MGMT: variants seen among roughly 807,000 people sequenced by gnomAD.
MGMT encodes O-6-methylguanine-DNA methyltransferase, also known as methylated-DNA--protein-cysteine methyltransferase.
A neutral mutation model predicts 15.9 loss-of-function variants in MGMT; 14 were observed. The observed-to-expected ratio is 0.88, with a 90% confidence interval of 0.58 to 1.37. MGMT has a LOEUF of 1.37. MGMT is among the 40% of genes most tolerant of loss of function. The probability of loss-of-function intolerance (pLI) is 0.00; values close to 1 mark genes in which losing one functional copy is unlikely to be tolerated. For synonymous variants in MGMT, 130 were observed against 118.2 expected (o/e 1.10, Z -0.65); for missense variants, 282 against 268.1 (o/e 1.05, Z -0.36).
chr10:129,703,653 T>C (rs982149189), intron 2 of MGMT, among the ~76,000 whole-genome samples: 1 of 151,854 alleles, frequency 6.6e-6, no homozygotes, highest in South Asian at 2.1e-4. Context: ...CGGCAGCCCC[T>C]GTGCTCCACT....
In MGMT at chr10:129,591,274, G is replaced by T. The variant is rs569370709; in HGVS notation, c.125+54897G>T. Among the ~76,000 whole-genome samples, 215 of 152,358 alleles carry T rather than the reference G, an allele frequency of 1.4e-3. 2 individuals carry two copies. The highest frequency in any genetic ancestry group is 5.0e-3 in the African/African-American group (207 of 41,590). ...CTGCCTTGTGGAATCTGTGCAAGCA[G>T]TTCTTTCCAGGCTGACCTTGAATAG... On this transcript the variant is annotated intron_variant, in intron 2 of 4. Coordinates refer to ENST00000651593, the MANE Select transcript of MGMT (RefSeq NM_002412.5).
At chr10:129,634,103 A>G (rs977512304) in intron 2 of MGMT, among the ~76,000 whole-genome samples, 5 of 152,068 alleles carry the variant, frequency 3.3e-5, no homozygotes, top group African/African-American at 9.7e-5. Flanking sequence ...GTTGAAAGGT[A>G]TTTTCACTGG....
At chr10:129,559,512 T>A (rs981324720) in intron 2 of MGMT, among the ~76,000 whole-genome samples, 51 of 152,264 alleles carry the variant, frequency 3.3e-4, no homozygotes, top group African/African-American at 1.2e-3. Flanking sequence ...CCATTTTTTT[T>A]AATGTTTTAG....
chr10:129,579,834 A>G (rs754428372), intron 2 of MGMT, among the ~76,000 whole-genome samples: 1 of 152,108 alleles, frequency 6.6e-6, no homozygotes, highest in Non-Finnish European at 1.5e-5. Context: ...GTTGACCTAT[A>G]TGTTTTTGTT....
intron 1 of MGMT, among the ~76,000 whole-genome samples, chr10:129,529,154 G>A (rs1221063735): frequency 6.6e-6 from 1 of 151,942 alleles, no homozygotes; most frequent in East Asian, 1.9e-4. Context: ...GAGCGAGGCT[G>A]GAGTGTGAGG....
At chr10:129,750,681 C>T (rs1848742353) in intron 3 of MGMT, among the ~76,000 whole-genome samples, 1 of 151,996 alleles carries the variant, frequency 6.6e-6, no homozygotes, top group South Asian at 2.1e-4. Flanking sequence ...AATACTATGC[C>T]ATTTTATATC....
At chr10:129,479,337 A>T (rs2119631706) in intron 1 of MGMT, among the ~76,000 whole-genome samples, 3 of 152,100 alleles carry the variant, frequency 2.0e-5, no homozygotes, top group East Asian at 3.9e-4. Flanking sequence ...TATATTGAAA[A>T]ACCCAATTGT....
At chr10:129,514,579 C>T (rs1023272875) in intron 1 of MGMT, among the ~76,000 whole-genome samples, 1 of 152,072 alleles carries the variant, frequency 6.6e-6, no homozygotes, top group African/African-American at 2.4e-5. Flanking sequence ...TACTATGGTC[C>T]AAATGTTTGT....
chr10:129,569,455 A>G (rs1359437407), intron 2 of MGMT, among the ~76,000 whole-genome samples: 1 of 152,158 alleles, frequency 6.6e-6, no homozygotes, highest in Non-Finnish European at 1.5e-5. Flanking sequence ...TCCACGCTAG[A>G]GACTGGTCTT....
intron 2 of MGMT, among the ~76,000 whole-genome samples, chr10:129,554,724 G>C (rs992681680): frequency 6.6e-6 from 1 of 152,112 alleles, no homozygotes; most frequent in Non-Finnish European, 1.5e-5. Context: ...TTTAAGATAA[G>C]AAAGCATTAG....
intron 3 of MGMT, among the ~76,000 whole-genome samples, chr10:129,737,538 C>T (rs2133168086): frequency 6.6e-6 from 1 of 152,290 alleles, no homozygotes; most frequent in East Asian, 1.9e-4. Flanking sequence ...TCGTCTGAAG[C>T]CTTCTTCTCT....
intron 1 of MGMT, among the ~76,000 whole-genome samples, chr10:129,507,071 T>C (rs892015260): frequency 6.6e-6 from 1 of 152,222 alleles, no homozygotes; most frequent in Non-Finnish European, 1.5e-5. Context: ...TGCTATGTTA[T>C]GATGCTTTGC....
chr10:129,645,437 G>T (rs1847377029), intron 2 of MGMT, among the ~76,000 whole-genome samples: 1 of 152,148 alleles, frequency 6.6e-6, no homozygotes, highest in Non-Finnish European at 1.5e-5. Context: ...CCCACGTTTG[G>T]CAGGGTGGCT....
chr10:129,647,798 G>A (rs1256781906), intron 2 of MGMT, among the ~76,000 whole-genome samples: 1 of 152,112 alleles, frequency 6.6e-6, no homozygotes, highest in Non-Finnish European at 1.5e-5. Context: ...TGACAGAACG[G>A]TTCATTTCAT....
At chr10:129,642,924 C>A (rs1034270371) in intron 2 of MGMT, among the ~76,000 whole-genome samples, 4 of 151,730 alleles carry the variant, frequency 2.6e-5, no homozygotes, top group Non-Finnish European at 4.4e-5. Context: ...AGAATAAGAA[C>A]CTGTCTCTTA....
chr10:129,726,474 G>A (rs777550009), intron 3 of MGMT, among the ~76,000 whole-genome samples: 2 of 152,164 alleles, frequency 1.3e-5, no homozygotes, highest in African/African-American at 4.8e-5. Context: ...GCCCTGAGGG[G>A]TCTTAGGTTC....
intron 3 of MGMT, among the ~76,000 whole-genome samples, chr10:129,745,806 G>T (rs1292007486): frequency 6.6e-6 from 1 of 151,812 alleles, no homozygotes; most frequent in South Asian, 2.1e-4. Flanking sequence ...TAAGTTAGGT[G>T]GTTTGTTGAG....
chr10:129,490,102 CT>C (rs986730703), intron 1 of MGMT, among the ~76,000 whole-genome samples: 6 of 151,856 alleles, frequency 4.0e-5, no homozygotes, highest in Admixed American at 2.6e-4. Flanking sequence ...ATTTTGTTTT[CT>C]TTTTTTTCTT....
chr10:129,614,967 T>C (rs962268720), intron 2 of MGMT, among the ~76,000 whole-genome samples: 2 of 152,148 alleles, frequency 1.3e-5, no homozygotes, highest in Non-Finnish European at 2.9e-5. Flanking sequence ...ACATTGGTTT[T>C]TGTTTTTTGT....
Sources: allele counts gnomAD v4.1 joint callset (sites outside exome capture counted in the v4.1 genomes callset), GRCh38; gene constraint gnomAD v4.1.1; transcripts MANE v1.5; gene names NCBI Gene and HGNC (gene_info 2026-07-23, HGNC 2026-07-21).